The following EP400 variants were observed in gnomAD, a reference collection of about 807,000 sequenced individuals.
The protein encoded by EP400 is E1A binding protein p400.
Under a neutral mutation model 354.1 loss-of-function variants are expected in EP400, and 105 were observed. The ratio of observed to expected loss-of-function variants is 0.30; its 90% CI spans 0.25 to 0.35. The LOEUF (loss-of-function observed/expected upper bound fraction) is 0.35, where lower values mean the gene tolerates loss of function less well. Ranked by LOEUF, EP400 falls within the 10% of genes least tolerant of loss-of-function variation. The pLI, the probability that EP400 is intolerant of heterozygous loss-of-function variation, is 1.00. For missense variants in EP400, 3,280 were observed against 4,121.0 expected (o/e 0.80, Z 5.59); for synonymous variants, 1,646 against 1,716.9 (o/e 0.96, Z 1.02).
intron 23 of EP400, 22 bp from the exon 24 acceptor site, chr12:132,023,755 C>T: frequency 1.9e-6 from 3 of 1,609,738 alleles, no homozygotes; most frequent in Non-Finnish European, 2.5e-6. Context: ...CTGAATTCAC[C>T]TTTTCCTCTA....
Position 132,037,976 on chromosome 12 carries a change from A to G in EP400, c.6087A>G (p.Glu2029=). The change falls in exon 32 of 53, where the codon GAA becomes GAG. Residue 2029 remains glutamate, a synonymous_variant. Coordinates refer to ENST00000389561, the MANE Select transcript of EP400 (RefSeq NM_015409.5). Reference sequence around the variant, plus strand: ...AGCGAACCATCCAGGAGCTGTTTGAAGTTTATTCTCCCATGGATGATGCTG... The same window carrying G: ...AGCGAACCATCCAGGAGCTGTTTGAGGTTTATTCTCCCATGGATGATGCTG... ...LTQRTIQELF[E]VYSPMDDAGF... is the part of the protein sequence containing the mutation. 6.2e-7 allele frequency: 1 copy of G among 1,614,200 alleles called. No homozygotes were observed. The highest frequency in any genetic ancestry group is 1.1e-5 in the South Asian group (1 of 91,086).
Position 132,064,702 on chromosome 12 carries a change from A to G in EP400, c.8369A>G (p.Gln2790Arg). The G allele has an allele frequency of 6.2e-7, 1 of 1,613,230 alleles. No individual in the cohort carries two copies. Among genetic ancestry groups the G allele is most frequent in the Non-Finnish European group, 8.5e-7 (1 of 1,179,380 alleles). Residue 2790 changes from glutamine (Q) to arginine (R), a missense_variant, in exon 48 of 53, where the codon CAG becomes CGG. This residue lies in a region of EP400 where 86 missense variants were observed against 66.4 expected (regional missense o/e 1.29). Transcript: ENST00000389561. ...HLIKMQKQKL[Q>R]MPPQPPPPQA... Reference sequence around the variant, plus strand: ...ATCAAAATGCAGAAGCAGAAACTGCAGATGCCCCCGCAGCCCCCACCGCCA... The same window carrying G: ...ATCAAAATGCAGAAGCAGAAACTGCGGATGCCCCCGCAGCCCCCACCGCCA...
intron 2 of EP400, among the ~76,000 whole-genome samples, chr12:131,969,655 C>T (rs951798393): frequency 2.0e-5 from 3 of 151,962 alleles, no homozygotes; most frequent in African/African-American, 7.3e-5. Flanking sequence ...GATCCAGCCC[C>T]GGAATCAGCC....
At chr12:132,041,650 G>A (rs772272474) in intron 32 of EP400, among the ~76,000 whole-genome samples, 11 of 152,226 alleles carry the variant, frequency 7.2e-5, no homozygotes, top group Non-Finnish European at 1.6e-4. Flanking sequence ...TGGTAAGCAC[G>A]TATGTGCAAT....
rs1473840966 is a variant in EP400 at position 132,000,059 on chromosome 12, T to C, written c.2828-5018T>C. 6.6e-5 allele frequency among the ~76,000 whole-genome samples: 10 copies of C among 151,842 alleles called. No individual in the cohort carries two copies. In the East Asian group the frequency reaches 1.7e-3, roughly 26 times the overall value. The stretch of plus-strand genomic sequence containing the variant: ...TCGTAGTATTTCTTTTTTAAAAACA[T>C]CTTTTTCTGAGTTTTTAACTTGGAT... On this transcript the variant is annotated intron_variant, in intron 12 of 52. Coordinates refer to ENST00000389561, the MANE Select transcript of EP400 (RefSeq NM_015409.5).
Position 132,017,698 on chromosome 12 carries a change from G to T in EP400, c.4087G>T (p.Ala1363Ser). The change falls in exon 20 of 53, where the codon GCA becomes TCA. Residue 1363 changes from alanine (A) to serine (S), a missense_variant. Around this residue, in one of 20 missense-constraint regions of EP400, gnomAD observed 342 missense variants for 342.7 expected, o/e 1.00. Coordinates refer to ENST00000389561, the MANE Select transcript of EP400 (RefSeq NM_015409.5). The surrounding 1 kb of genome is among the most constrained non-coding windows in gnomAD (Gnocchi z 5.0). ...EYPSASLILK[A>S]LERDFWKEAD... ...TCCGTCCGCATCTCTAATCCTGAAG[G>T]CACTGGAGAGAGATTTCTGGAAGGT... The T allele has an allele frequency of 6.5e-7, 1 of 1,531,104 alleles. No homozygotes were observed. The highest frequency in any genetic ancestry group is 8.8e-7 in the Non-Finnish European group (1 of 1,140,146). The allele number at this position is 1,531,104 out of a possible 1,614,324, so 94.8% of individuals were successfully genotyped here. A position where few individuals can be genotyped will look rare whatever the true frequency, so the allele number is the denominator to read the frequency against.
Position 132,013,896 on chromosome 12 carries a change from C to A in EP400, c.3906C>A (p.Asp1302Glu), listed in dbSNP as rs368953719. 1 of 1,614,234 alleles carries A rather than the reference C, an allele frequency of 6.2e-7. No homozygotes were observed. Among genetic ancestry groups the A allele is most frequent in the Non-Finnish European group, 8.5e-7 (1 of 1,180,038 alleles). ...ACCGACAAAAAGCCTTATACGAGGA[C>A]GTTATCCTGCAACCTGGGTGAGTGT... ...LSNRQKALYE[D>E]VILQPGTQEA... is the part of the protein sequence containing the mutation. Residue 1302 changes from aspartate (D) to glutamate (E), a missense_variant, in exon 19 of 53, where the codon GAC becomes GAA. Asp to Glu is a conservative substitution (Grantham distance 45). Coordinates refer to ENST00000389561, the MANE Select transcript of EP400 (RefSeq NM_015409.5). The surrounding 1 kb of genome is among the most constrained non-coding windows in gnomAD (Gnocchi z 4.5).
chr12:132,032,476 G>T (rs982362487), intron 30 of EP400, among the ~76,000 whole-genome samples: 2 of 152,138 alleles, frequency 1.3e-5, no homozygotes, highest in African/African-American at 4.8e-5. Context: ...CAGTTTTTAC[G>T]TGTGGTACCT....
Position 132,045,863 on chromosome 12 carries a change from G to A in EP400, c.7163G>A (p.Arg2388His), listed in dbSNP as rs1254821259. ...CGCTCTTCCAAACAGTGCCGGAATC[G>A]CTACGAGAATGTCATCATTCCACGA... is the stretch of plus-strand genomic sequence containing the variant. The part of the protein sequence containing the change: ...IYRSSKQCRN[R>H]YENVIIPREE... The change falls in exon 39 of 53, where the codon CGC becomes CAC. Residue 2388 changes from arginine (R) to histidine (H), a missense_variant. Around this residue, in one of 20 missense-constraint regions of EP400, gnomAD observed 84 missense variants for 133.0 expected, o/e 0.63. Coordinates refer to ENST00000389561, the MANE Select transcript of EP400 (RefSeq NM_015409.5). 2.5e-6 allele frequency: 4 copies of A among 1,614,094 alleles called. No homozygotes were observed. The highest frequency in any genetic ancestry group is 4.5e-5 in the East Asian group (2 of 44,900).
chr12:132,021,040 C>T, intron 22 of EP400, 39 bp from the exon 23 acceptor site: 1 of 1,538,642 alleles, frequency 6.5e-7, no homozygotes, highest in Non-Finnish European at 8.7e-7. Context: ...TATTAAGAAC[C>T]TCTAACAGCT....
At position 132,053,184 on chromosome 12, in the gene EP400, T is replaced by C. The variant is rs1328776031; in HGVS notation, c.7433T>C (p.Val2478Ala). The change falls in exon 42 of 53, where the codon GTG becomes GCG. Residue 2478 changes from valine to alanine, a missense_variant. Physicochemically the swap from Val to Ala is moderately conservative, Grantham distance 64. Coordinates refer to ENST00000389561, the MANE Select transcript of EP400 (RefSeq NM_015409.5). Reference protein sequence around the residue: ...NYDKPLPPIQVASLRAERIAK... With the variant: ...NYDKPLPPIQAASLRAERIAK... The stretch of plus-strand genomic sequence containing the variant: ...GACAAGCCGCTGCCTCCCATCCAGG[T>C]GGCATCTCTCCGTGCAGAGCGAATC... 1.9e-6 allele frequency: 3 copies of C among 1,613,972 alleles called. No individual in the cohort carries two copies. The highest frequency in any genetic ancestry group is 2.5e-6 in the Non-Finnish European group (3 of 1,179,982).
At chr12:131,972,932 A>C (rs1274211365) in intron 2 of EP400, among the ~76,000 whole-genome samples, 3 of 151,696 alleles carry the variant, frequency 2.0e-5, no homozygotes, top group Non-Finnish European at 4.4e-5. Context: ...GGATTTTACC[A>C]TGTCGGCCAG....
In EP400 at chr12:132,067,284, G is replaced by C; in HGVS notation, c.8750-78G>C. ...AGTTTGTTATTTTCTGTAGAGGTGA[G>C]TCAGTTGGAACAGAGCTTGGCGTGA... is the stretch of plus-strand genomic sequence containing the variant. On this transcript the variant is annotated intron_variant, in intron 49 of 52. Transcript: ENST00000389561. This position sits in a 1 kb window ranked among gnomAD's most constrained non-coding sequence, Gnocchi z 5.3. 2 of 1,553,888 alleles carry C rather than the reference G, an allele frequency of 1.3e-6. No homozygotes were observed. Among genetic ancestry groups the C allele is most frequent in the Non-Finnish European group, 1.7e-6 (2 of 1,147,954 alleles).
In EP400 at chr12:132,069,634, A is replaced by G. The variant is rs766625178; in HGVS notation, c.9014A>G (p.Gln3005Arg). 6.2e-7 allele frequency: 1 copy of G among 1,614,198 alleles called. No individual in the cohort carries two copies. The highest frequency in any genetic ancestry group is 2.2e-5 in the East Asian group (1 of 44,890). Residue 3005 changes from glutamine to arginine, a missense_variant, in exon 51 of 53, where the codon CAG (glutamine) becomes CGG (arginine). Gln to Arg is a conservative substitution (Grantham distance 43, BLOSUM62 1). Around this residue, in one of 20 missense-constraint regions of EP400, gnomAD observed 279 missense variants for 386.7 expected, o/e 0.72. Transcript: ENST00000389561. Reference sequence around the variant, plus strand: ...GCCGGGGCCCAGCAAGTGCAGACCCAGATCCAGGTGAGCGGGGAACAGGGT... The same window carrying G: ...GCCGGGGCCCAGCAAGTGCAGACCCGGATCCAGGTGAGCGGGGAACAGGGT... ...KLAGAQQVQT[Q>R]IQVAKLPQVV...
chr12:132,059,209 A>G (rs1288423865), intron 45 of EP400, among the ~76,000 whole-genome samples: 2 of 152,162 alleles, frequency 1.3e-5, no homozygotes, highest in East Asian at 1.9e-4. Context: ...GGCTGGGCCA[A>G]GGTGGAGAAT....
At chr12:131,981,225 C>T (rs1230165348) in intron 3 of EP400, among the ~76,000 whole-genome samples, 1 of 152,150 alleles carries the variant, frequency 6.6e-6, no homozygotes, top group Non-Finnish European at 1.5e-5. Flanking sequence ...CTAAGCAAGC[C>T]CACCTCTGCC....
At chr12:132,019,728 T>G (rs910845139) in intron 21 of EP400, among the ~76,000 whole-genome samples, 1 of 152,212 alleles carries the variant, frequency 6.6e-6, no homozygotes, top group Admixed American at 6.5e-5. Context: ...TGTGCTGTAA[T>G]AGATGCGTTG....
At position 132,067,210 on chromosome 12, in the gene EP400, C is replaced by T; in HGVS notation, c.8750-152C>T. ...TAAGTGTAATTTGTGAACCCAGAAA[C>T]ATTTTAATGTAGTTAAGGGATGGCT... On this transcript the variant is annotated intron_variant, in intron 49 of 52. Transcript: ENST00000389561. This position sits in a 1 kb window ranked among gnomAD's most constrained non-coding sequence, Gnocchi z 5.3. The T allele has an allele frequency of 7.9e-7, 1 of 1,261,726 alleles. No homozygotes were observed. Among genetic ancestry groups the T allele is most frequent in the Non-Finnish European group, 1.1e-6 (1 of 914,188 alleles). The allele number at this position is 1,261,726 out of a possible 1,614,324, so 78.2% of individuals were successfully genotyped here.
Position 132,006,890 on chromosome 12 carries a change from T to C in EP400, c.3304+13T>C, listed in dbSNP as rs778733608. On this transcript the variant is annotated intron_variant, in intron 15 of 52. Transcript: ENST00000389561. ...GCTTGTAACGAAGGTAAGAGTTTGC[T>C]AGTTTTTTTAACAATACCTATTTGC... 6.2e-6 allele frequency: 10 copies of C among 1,613,800 alleles called. No homozygotes were observed. The highest frequency in any genetic ancestry group is 8.5e-6 in the Non-Finnish European group (10 of 1,179,948).
Sources: gnomAD v4.1 joint callset for allele counts (sites outside exome capture counted in the v4.1 genomes callset) on GRCh38, gnomAD v4.1.1 for gene constraint, gnomAD v4.1.1 regional missense constraint, Gnocchi (gnomAD v3.1) non-coding constraint, MANE v1.5 for transcripts, NCBI Gene and HGNC (gene_info 2026-07-23, HGNC 2026-07-21) for gene names.